AGBL4: variants seen among roughly 807,000 people sequenced by gnomAD.
AGBL4 encodes the protein cytosolic carboxypeptidase 6.
Under a neutral mutation model 66.4 loss-of-function variants are expected in AGBL4, and 58 were observed. That is an observed-to-expected ratio of 0.87 (90% confidence interval 0.71 to 1.09). AGBL4 has a LOEUF of 1.09. AGBL4 is among the 50% of genes least tolerant of loss of function. The pLI, the probability that AGBL4 is intolerant of heterozygous loss-of-function variation, is 0.00. For synonymous variants in AGBL4, 234 were observed against 222.9 expected (o/e 1.05, Z -0.44); for missense variants, 579 against 631.0 (o/e 0.92, Z 0.88).
intron 6 of AGBL4, among the ~76,000 whole-genome samples, chr1:48,710,360 C>T (rs1041421787): frequency 1.3e-5 from 2 of 151,888 alleles, no homozygotes; most frequent in Non-Finnish European, 2.9e-5. Context: ...CTAACTTTCC[C>T]AGCTGAGAAA....
chr1:49,987,281 C>T (rs1572015426), intron 1 of AGBL4, among the ~76,000 whole-genome samples: 1 of 152,094 alleles, frequency 6.6e-6, no homozygotes, highest in East Asian at 1.9e-4. Context: ...ATTCCATTTT[C>T]TAAGAAACAA....
chr1:49,744,081 A>C (rs900699035), intron 2 of AGBL4, among the ~76,000 whole-genome samples: 8 of 151,956 alleles, frequency 5.3e-5, no homozygotes, highest in Non-Finnish European at 1.2e-4. Flanking sequence ...CTTAGATAAA[A>C]ACACTAACAT....
At chr1:49,586,027 G>C (rs1644640317) in intron 3 of AGBL4, among the ~76,000 whole-genome samples, 1 of 152,038 alleles carries the variant, frequency 6.6e-6, no homozygotes, top group African/African-American at 2.4e-5. Context: ...ATCTTTGCTT[G>C]TTCAAACCTA....
chr1:48,670,350 C>A (rs576208836), intron 6 of AGBL4, among the ~76,000 whole-genome samples: 5 of 152,210 alleles, frequency 3.3e-5, no homozygotes, highest in African/African-American at 1.2e-4. Flanking sequence ...TTGCCCCTGG[C>A]CACACAGCTA....
At chr1:49,938,195 C>T (rs1654315436) in intron 1 of AGBL4, among the ~76,000 whole-genome samples, 2 of 151,994 alleles carry the variant, frequency 1.3e-5, no homozygotes, top group South Asian at 4.1e-4. Flanking sequence ...ATACAAACTA[C>T]CATCAGAGAA....
intron 3 of AGBL4, among the ~76,000 whole-genome samples, chr1:49,292,987 G>A (rs1644571577): frequency 6.6e-6 from 1 of 152,224 alleles, no homozygotes; most frequent in Non-Finnish European, 1.5e-5. Flanking sequence ...TGTGGGCAAA[G>A]AAAAGGAGAA....
chr1:48,546,562 C>T (rs866252081), intron 11 of AGBL4, among the ~76,000 whole-genome samples: 2 of 152,040 alleles, frequency 1.3e-5, no homozygotes, highest in African/African-American at 2.4e-5. Context: ...TAGCTAACCG[C>T]GTAGAGTGGA....
At chr1:49,477,647 T>G in intron 3 of AGBL4, among the ~76,000 whole-genome samples, 1 of 151,944 alleles carries the variant, frequency 6.6e-6, no homozygotes, top group East Asian at 1.9e-4. Flanking sequence ...ATAACAAACT[T>G]TTCAGTGCTG....
chr1:49,844,095 C>T (rs897218671), intron 2 of AGBL4, among the ~76,000 whole-genome samples: 2 of 152,190 alleles, frequency 1.3e-5, no homozygotes, highest in Non-Finnish European at 2.9e-5. Context: ...CTTTAATACA[C>T]CAAGGGTCAT....
chr1:49,960,064 G>A (rs1434127166), intron 1 of AGBL4, among the ~76,000 whole-genome samples: 3 of 151,758 alleles, frequency 2.0e-5, no homozygotes, highest in Non-Finnish European at 4.4e-5. Flanking sequence ...TACCTAGAGG[G>A]TACTATGCTT....
chr1:48,650,986 G>C (rs1024667558), intron 8 of AGBL4, among the ~76,000 whole-genome samples: 1 of 152,230 alleles, frequency 6.6e-6, no homozygotes, highest in African/African-American at 2.4e-5. Flanking sequence ...CTGCTGTAGA[G>C]AGTAGTGTGG....
chr1:49,049,012 A>T (rs1482499853), intron 4 of AGBL4, among the ~76,000 whole-genome samples: 1 of 152,140 alleles, frequency 6.6e-6, no homozygotes, highest in African/African-American at 2.4e-5. Context: ...AAACCTTTTA[A>T]GCAACTTCCT....
At chr1:49,425,028 C>T (rs530661304) in intron 3 of AGBL4, among the ~76,000 whole-genome samples, 8 of 152,204 alleles carry the variant, frequency 5.3e-5, no homozygotes, top group Middle Eastern at 3.4e-3. Flanking sequence ...TTCAGGAGCC[C>T]CCTACTTGCA....
At chr1:48,789,292 ATAT>A (rs112847591) in intron 6 of AGBL4, among the ~76,000 whole-genome samples, 35,687 of 110,380 alleles carry the variant, frequency 0.32, 4,657 homozygotes, top group East Asian at 0.59. Context: ...ATATATATAT[ATAT>A]TTTTTTTTTT....
chr1:49,485,508 A>C (rs1356808166), intron 3 of AGBL4, among the ~76,000 whole-genome samples: 1 of 150,846 alleles, frequency 6.6e-6, no homozygotes, highest in African/African-American at 2.4e-5. Flanking sequence ...CCTAATGTTA[A>C]ATGATGAGTT....
At chr1:49,669,448 T>G (rs1646432625) in intron 3 of AGBL4, among the ~76,000 whole-genome samples, 1 of 152,142 alleles carries the variant, frequency 6.6e-6, no homozygotes, top group Non-Finnish European at 1.5e-5. Context: ...CAAATGCCAG[T>G]GTGTGGGCTA....
chr1:48,915,938 G>A (rs1328530789), intron 5 of AGBL4, among the ~76,000 whole-genome samples: 1 of 152,174 alleles, frequency 6.6e-6, no homozygotes, highest in Non-Finnish European at 1.5e-5. Flanking sequence ...AACAAAGCAA[G>A]GAGATACAGA....
intron 5 of AGBL4, among the ~76,000 whole-genome samples, chr1:49,038,551 A>G (rs1036726363): frequency 1.3e-5 from 2 of 152,178 alleles, no homozygotes; most frequent in Non-Finnish European, 2.9e-5. Context: ...ACCTTAACAG[A>G]TACTTTACAA....
At chr1:49,001,157 G>A (rs947096241) in intron 5 of AGBL4, among the ~76,000 whole-genome samples, 1 of 152,068 alleles carries the variant, frequency 6.6e-6, no homozygotes, top group South Asian at 2.1e-4. Flanking sequence ...GCTTTGTTTC[G>A]AGAAGCTTCT....
Sources: gnomAD v4.1 joint callset for allele counts (sites outside exome capture counted in the v4.1 genomes callset) on GRCh38, gnomAD v4.1.1 for gene constraint, MANE v1.5 for transcripts, NCBI Gene and HGNC (gene_info 2026-07-23, HGNC 2026-07-21) for gene names.